Variants in CFAP54 observed in about 807,000 individuals in gnomAD.
The protein encoded by CFAP54 is cilia and flagella associated protein 54, also known as cilia- and flagella-associated protein 54.
CFAP54 carries 290 observed loss-of-function variants against 370.4 expected under a neutral mutation model. The observed-to-expected ratio is 0.78, with a 90% CI of 0.71 to 0.86. The LOEUF (loss-of-function observed/expected upper bound fraction) is 0.86. CFAP54 is among the 40% of genes least tolerant of loss of function. The pLI is 0.00. For missense variants in CFAP54, 3,399 were observed against 3,528.7 expected (o/e 0.96, Z 0.93); for synonymous variants, 1,206 against 1,236.5 (o/e 0.98, Z 0.52).
At chr12:96,578,896 A>G (rs1310607592) in intron 20 of CFAP54, among the ~76,000 whole-genome samples, 3 of 152,210 alleles carry the variant, frequency 2.0e-5, no homozygotes, top group African/African-American at 7.2e-5. Context: ...TGATTTGTTC[A>G]TGATGTCTCT....
In CFAP54 at chr12:96,765,015, AATAG is replaced by A. The variant is rs542041801; in HGVS notation, c.8140-58_8140-55del. ...TTCACTTTTTTCACATTATTTACCT[AATAG>A]ATAATCTATGAATTAGAAAGCTTAT... On this transcript the variant is annotated intron_variant, in intron 59 of 67. Transcript: ENST00000524981. 968 of 1,217,018 alleles carry A rather than the reference AATAG, an allele frequency of 8.0e-4. 1 individual carries two copies. The highest frequency in any genetic ancestry group is 1.1e-3 in the South Asian group (39 of 34,616). The allele number at this position is 1,217,018 out of a possible 1,614,324, so 75.4% of individuals were successfully genotyped here. A position where few individuals can be genotyped will look rare whatever the true frequency, so the allele number is the denominator to read the frequency against.
intron 26 of CFAP54, among the ~76,000 whole-genome samples, chr12:96,608,663 T>C (rs1476661472): frequency 6.6e-6 from 1 of 152,024 alleles, no homozygotes; most frequent in Non-Finnish European, 1.5e-5. Flanking sequence ...GGTTTCACCA[T>C]GTGGTCCAGG....
At chr12:96,840,414 G>A (rs530652446) in intron 66 of CFAP54, among the ~76,000 whole-genome samples, 139 of 152,106 alleles carry the variant, frequency 9.1e-4, no homozygotes, top group African/African-American at 3.3e-3. Context: ...ATATCCATTG[G>A]CAAATTTTAT....
chr12:96,847,088 A>T (rs1959379306), intron 66 of CFAP54, among the ~76,000 whole-genome samples: 1 of 152,116 alleles, frequency 6.6e-6, no homozygotes. Flanking sequence ...CTCCCCTCAG[A>T]TTCAGTAATA....
Position 96,564,567 on chromosome 12 carries a change from G to A in CFAP54, c.2497+13G>A. On this transcript the variant is annotated intron_variant, in intron 18 of 67. Transcript: ENST00000524981. ...GATTGTTTTACAGGTAATTAAAATT[G>A]GGATAACTGGTATTTCCAAAAAATT... is the stretch of plus-strand genomic sequence containing the variant. The A allele has an allele frequency of 1.5e-6, 1 of 679,400 alleles. No homozygotes were observed. The highest frequency in any genetic ancestry group is 2.7e-6 in the Non-Finnish European group (1 of 376,198). The allele number at this position is 679,400 out of a possible 1,614,324, so 42.1% of individuals were successfully genotyped here.
At chr12:96,651,250 G>A (rs894819700) in intron 35 of CFAP54, among the ~76,000 whole-genome samples, 1 of 152,110 alleles carries the variant, frequency 6.6e-6, no homozygotes, top group Non-Finnish European at 1.5e-5. Flanking sequence ...CTCCCGAAAT[G>A]AACGTAAGCA....
chr12:96,582,305 G>T (rs2136426748), intron 22 of CFAP54, among the ~76,000 whole-genome samples: 1 of 152,098 alleles, frequency 6.6e-6, no homozygotes. Context: ...CAGTGAAGAG[G>T]ATGCTAGGAA....
Position 96,720,419 on chromosome 12 carries a change from G to T in CFAP54, c.6819G>T (p.Met2273Ile). The T allele has an allele frequency of 6.5e-7, 1 of 1,527,786 alleles. No individual in the cohort carries two copies. Among genetic ancestry groups the T allele is most frequent in the Non-Finnish European group, 8.8e-7 (1 of 1,132,234 alleles). The allele number at this position is 1,527,786 out of a possible 1,614,324, so 94.6% of individuals were successfully genotyped here. Residue 2273 changes from methionine (M) to isoleucine (I), a missense_variant, in exon 50 of 68, where the codon ATG (methionine) becomes ATT (isoleucine). Coordinates refer to ENST00000524981, the MANE Select transcript of CFAP54 (RefSeq NM_001306084.2). ...TLSMLKSMLLMEAEDRLNFLL... is the reference protein window; with the variant it reads ...TLSMLKSMLLIEAEDRLNFLL... ...CCTTTCCTTAGTCGATGTTACTGAT[G>T]GAAGCTGAGGACAGGCTAAACTTCC...
At chr12:96,548,763 C>G (rs1011379496) in intron 15 of CFAP54, among the ~76,000 whole-genome samples, 1 of 152,154 alleles carries the variant, frequency 6.6e-6, no homozygotes, top group African/African-American at 2.4e-5. Context: ...GGATCACTTA[C>G]AGTGTCTGCT....
At chr12:96,537,569 T>C (rs1955519847) in intron 12 of CFAP54, among the ~76,000 whole-genome samples, 1 of 152,176 alleles carries the variant, frequency 6.6e-6, no homozygotes, top group Non-Finnish European at 1.5e-5. Flanking sequence ...CTTGAACTCC[T>C]GACCTCAGGT....
intron 15 of CFAP54, among the ~76,000 whole-genome samples, chr12:96,548,496 G>C: frequency 6.6e-6 from 1 of 151,876 alleles, no homozygotes; most frequent in Non-Finnish European, 1.5e-5. Context: ...TGGTATAATA[G>C]ATAAAGTCCT....
At chr12:96,541,806 ATTCT>A (rs1955576799) in intron 14 of CFAP54, among the ~76,000 whole-genome samples, 1 of 151,500 alleles carries the variant, frequency 6.6e-6, no homozygotes, top group Non-Finnish European at 1.5e-5. Context: ...TCCTTTTAAA[ATTCT>A]TTCTTCATTT....
At position 96,700,050 on chromosome 12, in the gene CFAP54, C is replaced by G; in HGVS notation, c.6431C>G (p.Pro2144Arg). 1.2e-6 allele frequency: 2 copies of G among 1,609,806 alleles called. No individual in the cohort carries two copies. The highest frequency in any genetic ancestry group is 1.7e-6 in the Non-Finnish European group (2 of 1,178,342). ...ISQIFYGKNM[P>R]CPIPAGYKAT... ...CAAATTTTCTATGGAAAAAACATGCCTTGTCCAATACCTGCAGGCTATAAA... is the reference window on the plus strand; with the variant it reads ...CAAATTTTCTATGGAAAAAACATGCGTTGTCCAATACCTGCAGGCTATAAA... Residue 2144 changes from proline (P) to arginine (R), a missense_variant, in exon 46 of 68, where the codon CCT becomes CGT. Coordinates refer to ENST00000524981, the MANE Select transcript of CFAP54 (RefSeq NM_001306084.2).
At chr12:96,517,926 G>A (rs1327681543) in intron 5 of CFAP54, among the ~76,000 whole-genome samples, 1 of 152,220 alleles carries the variant, frequency 6.6e-6, no homozygotes, top group Non-Finnish European at 1.5e-5. Context: ...CTGGATGGCT[G>A]TAATTTAGAA....
In CFAP54 at chr12:96,554,543, A is replaced by G. The variant is rs1955731623; in HGVS notation, c.2284-133A>G. ...ATTTATTAGTGTTTAAGCAAACTGC[A>G]AAGGGCTGAGAAGTGAGCAGAATGT... On this transcript the variant is annotated intron_variant, in intron 16 of 67. Coordinates refer to ENST00000524981, the MANE Select transcript of CFAP54 (RefSeq NM_001306084.2). 15 of 1,101,226 alleles carry G rather than the reference A, an allele frequency of 1.4e-5. No homozygotes were observed. In the South Asian group the frequency reaches 2.8e-4, roughly 20 times the overall value. 68.2% of individuals were successfully genotyped at this position (1,101,226 alleles called of 1,614,324 possible). A position where few individuals can be genotyped will look rare whatever the true frequency, so the allele number is the denominator to read the frequency against.
At chr12:96,664,775 A>ATCTATATCTATATCTATATCTATATC (rs1957055113) in intron 39 of CFAP54, among the ~76,000 whole-genome samples, 1 of 17,560 alleles carries the variant, frequency 5.7e-5, no homozygotes, top group Non-Finnish European at 1.1e-4. Flanking sequence ...CTATATCTAT[A>ATCTATATCTATATCTATATCTATATC]TCTATATATA....
chr12:96,489,596 C>CGGGGCGCGTCAATATG lies in CFAP54; in HGVS notation c.-12_4dup. 6.6e-7 allele frequency: 1 copy of CGGGGCGCGTCAATATG among 1,506,452 alleles called. No homozygotes were observed. Among genetic ancestry groups the CGGGGCGCGTCAATATG allele is most frequent in the Non-Finnish European group, 8.9e-7 (1 of 1,127,772 alleles). 93.3% of individuals were successfully genotyped at this position (1,506,452 alleles called of 1,614,324 possible). On this transcript the variant is annotated 5_prime_UTR_variant, in exon 1 of 68. In the 5' UTR this introduces an upstream ATG that the reference lacks. Coordinates refer to ENST00000524981, the MANE Select transcript of CFAP54 (RefSeq NM_001306084.2). ...GCGTGTACACATACTCCAGGCGGGC[C>CGGGGCGCGTCAATATG]GGGGCGCGTCAATATGGCGGCGCAG...
intron 14 of CFAP54, among the ~76,000 whole-genome samples, chr12:96,542,045 G>C (rs75979154): frequency 6.6e-6 from 1 of 152,066 alleles, no homozygotes; most frequent in Non-Finnish European, 1.5e-5. Context: ...TTCATGGGGT[G>C]GGGAATAATG....
chr12:96,515,189 A>G (rs1351432906), intron 5 of CFAP54, among the ~76,000 whole-genome samples: 1 of 151,896 alleles, frequency 6.6e-6, no homozygotes, highest in Non-Finnish European at 1.5e-5. Flanking sequence ...TTGTATTTTT[A>G]GTAGAGATGG....
Sources: gnomAD v4.1 joint callset for allele counts (sites outside exome capture counted in the v4.1 genomes callset) on GRCh38, gnomAD v4.1.1 for gene constraint, MANE v1.5 for transcripts, NCBI Gene and HGNC (gene_info 2026-07-23, HGNC 2026-07-21) for gene names.